Variants in PCDH15 observed in about 807,000 individuals in gnomAD.
PCDH15 encodes the protein protocadherin-15.
A neutral mutation model predicts 178.5 loss-of-function variants in PCDH15; 129 were observed. The observed-to-expected ratio is 0.72, with a 90% CI of 0.63 to 0.84. The LOEUF (loss-of-function observed/expected upper bound fraction) is 0.84. Among genes scored for constraint, PCDH15 ranks in the 40% least tolerant of loss-of-function variants. The pLI, the probability that PCDH15 is intolerant of heterozygous loss-of-function variation, is 0.00. For missense variants in PCDH15, 2,230 were observed against 2,099.9 expected, an observed-to-expected ratio of 1.06 and a Z score of -1.21; for synonymous variants, 800 against 732.0, an observed-to-expected ratio of 1.09 and a Z score of -1.50.
chr10:54,691,025 T>C (rs978703395), intron 1 of PCDH15, among the ~76,000 whole-genome samples: 2 of 152,192 alleles, frequency 1.3e-5, no homozygotes, highest in South Asian at 4.1e-4. Flanking sequence ...AAGTACAAAA[T>C]AATTTATGAC....
At chr10:54,735,685 C>A (rs1944009733) in intron 1 of PCDH15, among the ~76,000 whole-genome samples, 1 of 118,958 alleles carries the variant, frequency 8.4e-6, no homozygotes, top group South Asian at 2.9e-4. Flanking sequence ...ACTATGCAGC[C>A]ATAAAAAATG....
intron 1 of PCDH15, among the ~76,000 whole-genome samples, chr10:55,244,807 T>G (rs1841644066): frequency 6.6e-6 from 1 of 151,416 alleles, no homozygotes; most frequent in African/African-American, 2.4e-5. Context: ...ATGTAGCTGT[T>G]AATATAATCC....
At chr10:54,762,916 T>C (rs1948069312) in intron 1 of PCDH15, among the ~76,000 whole-genome samples, 1 of 152,134 alleles carries the variant, frequency 6.6e-6, no homozygotes, top group Non-Finnish European at 1.5e-5. Flanking sequence ...GTTGCCAATG[T>C]TTTTGTTTTC....
At chr10:54,177,538 G>A (rs2047552125) in intron 13 of PCDH15, among the ~76,000 whole-genome samples, 1 of 152,008 alleles carries the variant, frequency 6.6e-6, no homozygotes, top group South Asian at 2.1e-4. Context: ...GAGTATATGG[G>A]AAATCACTGT....
intron 13 of PCDH15, among the ~76,000 whole-genome samples, chr10:54,156,674 C>T (rs2045185894): frequency 6.6e-6 from 1 of 152,160 alleles, no homozygotes; most frequent in Non-Finnish European, 1.5e-5. Context: ...ATTTCAAAAC[C>T]AATCATGCTT....
chr10:55,223,360 C>A (rs529128748), intron 1 of PCDH15, among the ~76,000 whole-genome samples: 8 of 152,152 alleles, frequency 5.3e-5, no homozygotes, highest in Non-Finnish European at 1.5e-5. Context: ...TTTACATGCA[C>A]CTTTTTCAAG....
intron 2 of PCDH15, among the ~76,000 whole-genome samples, chr10:55,128,348 C>T (rs895517254): frequency 2.0e-5 from 3 of 151,736 alleles, no homozygotes; most frequent in Non-Finnish European, 4.4e-5. Flanking sequence ...CTTACTTGAT[C>T]TATAATAAAA....
chr10:55,355,716 A>C (rs1435225847), intron 2 of PCDH15, among the ~76,000 whole-genome samples: 1 of 151,972 alleles, frequency 6.6e-6, no homozygotes, highest in Non-Finnish European at 1.5e-5. Context: ...TAATAGTGCC[A>C]TTCACATTAA....
Position 54,442,050 on chromosome 10 carries a change from G to T in PCDH15, c.158-63108C>A, listed in dbSNP as rs1177921135. 2.6e-5 allele frequency among the ~76,000 whole-genome samples: 4 copies of T among 151,344 alleles called. No homozygotes were observed. In the Admixed American group the frequency reaches 2.6e-4, roughly 10 times the overall value. Reference sequence around the variant, plus strand: ...ATCTATTAAAATGACTATTTCTCAGGGTGCAGAAAAATATTAAAACAAGTA... The same window carrying T: ...ATCTATTAAAATGACTATTTCTCAGTGTGCAGAAAAATATTAAAACAAGTA... On this transcript the variant is annotated intron_variant, in intron 3 of 37. Coordinates refer to ENST00000644397, the MANE Select transcript of PCDH15 (RefSeq NM_001384140.1).
chr10:54,950,982 C>A (rs1316178690), intron 2 of PCDH15, among the ~76,000 whole-genome samples: 1 of 151,832 alleles, frequency 6.6e-6, no homozygotes, highest in Non-Finnish European at 1.5e-5. Context: ...TTCCTCACCT[C>A]CACCCCTACA....
At chr10:55,438,276 T>A (rs1839095755) in intron 2 of PCDH15, among the ~76,000 whole-genome samples, 1 of 152,096 alleles carries the variant, frequency 6.6e-6, no homozygotes, top group African/African-American at 2.4e-5. Flanking sequence ...TCTAAGCATA[T>A]GTTACAGCTG....
intron 1 of PCDH15, among the ~76,000 whole-genome samples, chr10:55,316,430 T>C (rs747044687): frequency 6.6e-6 from 1 of 152,204 alleles, no homozygotes; most frequent in Non-Finnish European, 1.5e-5. Context: ...CAGATGTTTA[T>C]ATCAGTTCTT....
At chr10:55,084,378 G>C (rs1384990164) in intron 2 of PCDH15, among the ~76,000 whole-genome samples, 1 of 150,586 alleles carries the variant, frequency 6.6e-6, no homozygotes, top group African/African-American at 2.4e-5. Flanking sequence ...ATATACAGAA[G>C]AATGAAACTA....
At chr10:55,075,899 C>T (rs927487880) in intron 2 of PCDH15, among the ~76,000 whole-genome samples, 1 of 151,942 alleles carries the variant, frequency 6.6e-6, no homozygotes, top group Non-Finnish European at 1.5e-5. Flanking sequence ...TATAGTACTG[C>T]TTTTGCTGTA....
At chr10:55,253,889 A>G (rs912959121) in intron 1 of PCDH15, among the ~76,000 whole-genome samples, 4 of 152,232 alleles carry the variant, frequency 2.6e-5, no homozygotes, top group Non-Finnish European at 5.9e-5. Flanking sequence ...CCGTGAAAAC[A>G]TTCAATGATT....
At chr10:55,594,319 A>G (rs193060709) in intron 2 of PCDH15, among the ~76,000 whole-genome samples, 2 of 152,126 alleles carry the variant, frequency 1.3e-5, no homozygotes, top group East Asian at 1.9e-4. Flanking sequence ...ATTACATTTT[A>G]GAGTTGTTTG....
intron 2 of PCDH15, among the ~76,000 whole-genome samples, chr10:54,611,083 A>G (rs905769277): frequency 6.6e-6 from 1 of 151,824 alleles, no homozygotes; most frequent in Non-Finnish European, 1.5e-5. Flanking sequence ...AATATAGTCC[A>G]CAAAACTCAA....
chr10:54,345,722 A>G (rs1321391761), intron 6 of PCDH15, among the ~76,000 whole-genome samples: 1 of 150,318 alleles, frequency 6.7e-6, no homozygotes, highest in Admixed American at 6.7e-5. Flanking sequence ...TCTACTAAAT[A>G]TACAAAAAAA....
intron 1 of PCDH15, among the ~76,000 whole-genome samples, chr10:54,783,291 C>T (rs72796534): frequency 6.6e-6 from 1 of 151,934 alleles, no homozygotes; most frequent in Non-Finnish European, 1.5e-5. Flanking sequence ...GAGAAAAAAT[C>T]GAGCAGAAAC....
Sources: gnomAD v4.1 joint callset for allele counts (sites outside exome capture counted in the v4.1 genomes callset) on GRCh38, gnomAD v4.1.1 for gene constraint, MANE v1.5 for transcripts, NCBI Gene and HGNC (gene_info 2026-07-23, HGNC 2026-07-21) for gene names.